Variants in ZDHHC12 observed in about 807,000 individuals in gnomAD.
ZDHHC12 encodes zDHHC palmitoyltransferase 12, also known as palmitoyltransferase ZDHHC12.
In ZDHHC12, 26 loss-of-function variants were observed where a neutral mutation model predicts 33.2. That is an observed-to-expected ratio of 0.78 (90% confidence interval 0.57 to 1.09). The LOEUF (loss-of-function observed/expected upper bound fraction) is 1.09. Among genes scored for constraint, ZDHHC12 ranks in the 50% least tolerant of loss-of-function variants. The pLI, the probability that ZDHHC12 is intolerant of heterozygous loss-of-function variation, is 0.00. For missense variants in ZDHHC12, 350 were observed against 353.0 expected (o/e 0.99, Z 0.07); for synonymous variants, 154 against 152.1 (o/e 1.01, Z -0.09).
In ZDHHC12 at chr9:128,722,840, A is replaced by C; in HGVS notation, c.101-266T>G. The stretch of plus-strand genomic sequence containing the variant: ...ATCAGGGGAAGCCTGGGGGCAGAGA[A>C]TCTGGCCAGGAGGAAGAAGAGAGTC... On this transcript the variant is annotated intron_variant, in intron 1 of 4. Transcript: ENST00000372663. The surrounding 1 kb of genome is among the most constrained non-coding windows in gnomAD (Gnocchi z 4.2). The C allele has an allele frequency of 3.5e-6, 4 of 1,149,862 alleles. No individual in the cohort carries two copies. The highest frequency in any genetic ancestry group is 4.6e-6 in the Non-Finnish European group (4 of 871,294). 71.2% of individuals were successfully genotyped at this position (1,149,862 alleles called of 1,614,324 possible).
rs1289230765 is a variant in ZDHHC12 at position 128,721,832 on chromosome 9, G to A, written c.316-15C>T. 6.2e-7 allele frequency: 1 copy of A among 1,611,034 alleles called. No individual in the cohort carries two copies. Among genetic ancestry groups the A allele is most frequent in the South Asian group, 1.1e-5 (1 of 90,848 alleles). ...CTCAGGGGCTGCTGTGGGCATGGAG[G>A]AGAGTGGAGGCTCAGTGCCAGCCCT... On this transcript the variant is annotated splice_polypyrimidine_tract_variant and intron_variant, in intron 3 of 4. Coordinates refer to ENST00000372663, the MANE Select transcript of ZDHHC12 (RefSeq NM_032799.5). The surrounding 1 kb of genome is among the most constrained non-coding windows in gnomAD (Gnocchi z 6.9).
In ZDHHC12 at chr9:128,721,329, C is replaced by A; in HGVS notation, c.656G>T (p.Arg219Leu). The A allele has an allele frequency of 3.1e-6, 5 of 1,592,302 alleles. No individual in the cohort carries two copies. Among genetic ancestry groups the A allele is most frequent in the South Asian group, 2.3e-5 (2 of 87,794 alleles). ...TTTWEFISSH[R>L]IAYLRQRPSN... is the part of the protein sequence containing the mutation. ...GGGGCGCTGGCGGAGATAGGCGATG[C>A]GGTGTGAGGAGATGAATTCCCAGGT... Residue 219 changes from arginine to leucine, a missense_variant, in exon 5 of 5, where the codon CGC (arginine) becomes CTC (leucine). By Grantham distance (102) the Arg-to-Leu change is moderately radical. Coordinates refer to ENST00000372663, the MANE Select transcript of ZDHHC12 (RefSeq NM_032799.5). The surrounding 1 kb of genome is among the most constrained non-coding windows in gnomAD (Gnocchi z 6.9).
At position 128,721,914 on chromosome 9, in the gene ZDHHC12, G is replaced by A; in HGVS notation, c.315+95C>T. On this transcript the variant is annotated intron_variant, in intron 3 of 4. Transcript: ENST00000372663. The surrounding 1 kb of genome is among the most constrained non-coding windows in gnomAD (Gnocchi z 6.9). ...GGGCCTGATTCTGGAAGGCCTTCTT[G>A]GAGGAGGGGCGAGGCCCAGGCAGTG... 13 of 1,603,910 alleles carry A rather than the reference G, an allele frequency of 8.1e-6. No homozygotes were observed. In the South Asian group the frequency reaches 1.2e-4, roughly 15 times the overall value.
chr9:128,723,751 T>G lies in ZDHHC12; in HGVS notation c.100+243A>C. On this transcript the variant is annotated intron_variant, in intron 1 of 4. Transcript: ENST00000372663. This position sits in a 1 kb window ranked among gnomAD's most constrained non-coding sequence, Gnocchi z 4.4. ...GATCTGGTGGGCACCGGCTGGGTCCTGGGATGGACAGGGCATTTGGCAATG... is the reference window on the plus strand; with the variant it reads ...GATCTGGTGGGCACCGGCTGGGTCCGGGGATGGACAGGGCATTTGGCAATG... 3.3e-6 allele frequency: 2 copies of G among 611,716 alleles called. No individual in the cohort carries two copies. The highest frequency in any genetic ancestry group is 2.4e-5 in the South Asian group (1 of 40,976). 37.9% of individuals were successfully genotyped at this position (611,716 alleles called of 1,614,324 possible).
chr9:128,722,562 C>A lies in ZDHHC12; in HGVS notation c.113G>T (p.Trp38Leu), dbSNP rs1229823868. The part of the protein sequence containing the change: ...LFLHDTELRQ[W>L]EEQGELLLPL... The stretch of plus-strand genomic sequence containing the variant: ...CAGGAGCAGCTCCCCCTGCTCCTCC[C>A]ATTGCCGCAGCTCTGGAGAGGCCGG... The change falls in exon 2 of 5, where the codon TGG becomes TTG. Residue 38 changes from tryptophan (W) to leucine (L), a missense_variant. Transcript: ENST00000372663. The surrounding 1 kb of genome is among the most constrained non-coding windows in gnomAD (Gnocchi z 4.2). 6.3e-7 allele frequency: 1 copy of A among 1,593,138 alleles called. No homozygotes were observed. The highest frequency in any genetic ancestry group is 8.5e-7 in the Non-Finnish European group (1 of 1,169,924).
In ZDHHC12 at chr9:128,722,554, G is replaced by A. The variant is rs1175770918; in HGVS notation, c.121C>T (p.Gln41Ter). ...HDTELRQWEE[Q>*]GELLLPLTFL... is the part of the protein sequence containing the mutation. ...GTGAGGGGCAGGAGCAGCTCCCCCTGCTCCTCCCATTGCCGCAGCTCTGGA... is the reference window on the plus strand; with the variant it reads ...GTGAGGGGCAGGAGCAGCTCCCCCTACTCCTCCCATTGCCGCAGCTCTGGA... Residue 41 changes from glutamine to a stop codon, truncating the protein, a stop_gained, in exon 2 of 5, where the codon CAG (glutamine) becomes TAG (stop). Transcript: ENST00000372663. LOFTEE classifies it high-confidence loss of function. This position sits in a 1 kb window ranked among gnomAD's most constrained non-coding sequence, Gnocchi z 4.2. The A allele has an allele frequency of 5.0e-6, 8 of 1,592,944 alleles. No homozygotes were observed. The highest frequency in any genetic ancestry group is 6.8e-6 in the Non-Finnish European group (8 of 1,169,890).
Position 128,723,834 on chromosome 9 carries a change from G to A in ZDHHC12, c.100+160C>T. ...ACGGGGTATCAGACAGAGAGCAGGTGGCTCTTGGAATGATAGATGGGGAGA... is the reference window on the plus strand; with the variant it reads ...ACGGGGTATCAGACAGAGAGCAGGTAGCTCTTGGAATGATAGATGGGGAGA... On this transcript the variant is annotated intron_variant, in intron 1 of 4. Coordinates refer to ENST00000372663, the MANE Select transcript of ZDHHC12 (RefSeq NM_032799.5). The surrounding 1 kb of genome is among the most constrained non-coding windows in gnomAD (Gnocchi z 4.4). 3 of 1,051,130 alleles carry A rather than the reference G, an allele frequency of 2.9e-6. No individual in the cohort carries two copies. The highest frequency in any genetic ancestry group is 4.1e-6 in the Non-Finnish European group (3 of 731,988). The allele number at this position is 1,051,130 out of a possible 1,614,324, so 65.1% of individuals were successfully genotyped here.
At position 128,722,868 on chromosome 9, in the gene ZDHHC12, T is replaced by A; in HGVS notation, c.101-294A>T. 1 of 833,514 alleles carries A rather than the reference T, an allele frequency of 1.2e-6. No homozygotes were observed. The highest frequency in any genetic ancestry group is 1.8e-5 in the African/African-American group (1 of 55,628). The allele number at this position is 833,514 out of a possible 1,614,324, so 51.6% of individuals were successfully genotyped here. ...TGGCCAGGAGGAAGAAGAGAGTCGC[T>A]ACAAAGGCCTGGCAGGAAGTGAGGG... On this transcript the variant is annotated intron_variant, in intron 1 of 4. Transcript: ENST00000372663. This position sits in a 1 kb window ranked among gnomAD's most constrained non-coding sequence, Gnocchi z 4.2.
At position 128,721,462 on chromosome 9, in the gene ZDHHC12, G is replaced by C; in HGVS notation, c.523C>G (p.Arg175Gly). Residue 175 changes from arginine (R) to glycine (G), a missense_variant, in exon 5 of 5, where the codon CGG (arginine) becomes GGG (glycine). By Grantham distance (125) the Arg-to-Gly change is moderately radical. Coordinates refer to ENST00000372663, the MANE Select transcript of ZDHHC12 (RefSeq NM_032799.5). The surrounding 1 kb of genome is among the most constrained non-coding windows in gnomAD (Gnocchi z 6.9). ...RFFQPWGQWL[R>G]SSGLLFATFL... ...GTGGCGAACAGGAGCCCGCTGGACC[G>C]CAACCACTGACCCCAGGGCTGGAAG... 6.3e-7 allele frequency: 1 copy of C among 1,591,262 alleles called. No individual in the cohort carries two copies. Among genetic ancestry groups the C allele is most frequent in the Non-Finnish European group, 8.6e-7 (1 of 1,169,528 alleles).
At position 128,722,487 on chromosome 9, in the gene ZDHHC12, G is replaced by A. The variant is rs765827539; in HGVS notation, c.188C>T (p.Ala63Val). The change falls in exon 2 of 5, where the codon GCT (alanine) becomes GTT (valine). Residue 63 changes from alanine to valine, a missense_variant. Ala to Val is a moderately conservative substitution (Grantham distance 64). Transcript: ENST00000372663. This position sits in a 1 kb window ranked among gnomAD's most constrained non-coding sequence, Gnocchi z 4.2. ...GTAGCCAGGGTCCATGAGTGACACAGCGAGGTAGAGCAGCAGGGAGCCCAG... is the reference window on the plus strand; with the variant it reads ...GTAGCCAGGGTCCATGAGTGACACAACGAGGTAGAGCAGCAGGGAGCCCAG... Reference protein sequence around the residue: ...LVLGSLLLYLAVSLMDPGYVN... With the variant: ...LVLGSLLLYLVVSLMDPGYVN... 6.4e-6 allele frequency: 10 copies of A among 1,567,978 alleles called. No homozygotes were observed. The highest frequency in any genetic ancestry group is 8.7e-6 in the Non-Finnish European group (10 of 1,156,038).
chr9:128,723,822 C>G lies in ZDHHC12; in HGVS notation c.100+172G>C. On this transcript the variant is annotated intron_variant, in intron 1 of 4. Transcript: ENST00000372663. The surrounding 1 kb of genome is among the most constrained non-coding windows in gnomAD (Gnocchi z 4.4). ...AATTAGGGATCAACGGGGTATCAGA[C>G]AGAGAGCAGGTGGCTCTTGGAATGA... is the stretch of plus-strand genomic sequence containing the variant. The G allele has an allele frequency of 1.0e-6, 1 of 959,358 alleles. No homozygotes were observed. Among genetic ancestry groups the G allele is most frequent in the African/African-American group, 1.7e-5 (1 of 60,308 alleles). The allele number at this position is 959,358 out of a possible 1,614,324, so 59.4% of individuals were successfully genotyped here.
At position 128,722,488 on chromosome 9, in the gene ZDHHC12, C is replaced by T. The variant is rs373582038; in HGVS notation, c.187G>A (p.Ala63Thr). The T allele has an allele frequency of 7.6e-5, 119 of 1,567,580 alleles. No homozygotes were observed. Among genetic ancestry groups the T allele is most frequent in the African/African-American group, 5.7e-4 (42 of 73,784 alleles). The stretch of plus-strand genomic sequence containing the variant: ...TAGCCAGGGTCCATGAGTGACACAG[C>T]GAGGTAGAGCAGCAGGGAGCCCAGC... ...LVLGSLLLYLAVSLMDPGYVN... is the reference protein window; with the variant it reads ...LVLGSLLLYLTVSLMDPGYVN... The change falls in exon 2 of 5, where the codon GCT (alanine) becomes ACT (threonine). Residue 63 changes from alanine to threonine, a missense_variant. Physicochemically the swap from Ala to Thr is moderately conservative, Grantham distance 58. Transcript: ENST00000372663. This position sits in a 1 kb window ranked among gnomAD's most constrained non-coding sequence, Gnocchi z 4.2.
chr9:128,722,165 G>T lies in ZDHHC12; in HGVS notation c.238-79C>A. The T allele has an allele frequency of 6.5e-7, 1 of 1,548,328 alleles. No individual in the cohort carries two copies. The highest frequency in any genetic ancestry group is 8.9e-7 in the Non-Finnish European group (1 of 1,124,676). ...TGGCGGGCAGCTCCCCTAGGGGCCGGCTTAGCTCTGGGTATGGAGTTTGGG... is the reference window on the plus strand; with the variant it reads ...TGGCGGGCAGCTCCCCTAGGGGCCGTCTTAGCTCTGGGTATGGAGTTTGGG... On this transcript the variant is annotated intron_variant, in intron 2 of 4. Coordinates refer to ENST00000372663, the MANE Select transcript of ZDHHC12 (RefSeq NM_032799.5). This position sits in a 1 kb window ranked among gnomAD's most constrained non-coding sequence, Gnocchi z 4.2.
In ZDHHC12 at chr9:128,723,010, C is replaced by G. The variant is rs1021530182; in HGVS notation, c.101-436G>C. ...TGCAATGGTGAGAGACTGGTTAGGT[C>G]TGAAATGCCTGAGAGAGATACAGTG... is the stretch of plus-strand genomic sequence containing the variant. On this transcript the variant is annotated intron_variant, in intron 1 of 4. Coordinates refer to ENST00000372663, the MANE Select transcript of ZDHHC12 (RefSeq NM_032799.5). This position sits in a 1 kb window ranked among gnomAD's most constrained non-coding sequence, Gnocchi z 4.4. 4 of 198,738 alleles carry G rather than the reference C, an allele frequency of 2.0e-5. No individual in the cohort carries two copies. The highest frequency in any genetic ancestry group is 7.1e-5 in the African/African-American group (3 of 42,034). 12.3% of individuals were successfully genotyped at this position (198,738 alleles called of 1,614,324 possible). A position where few individuals can be genotyped will look rare whatever the true frequency, so the allele number is the denominator to read the frequency against.
chr9:128,723,982 G>A lies in ZDHHC12; in HGVS notation c.100+12C>T. On this transcript the variant is annotated intron_variant, in intron 1 of 4. Coordinates refer to ENST00000372663, the MANE Select transcript of ZDHHC12 (RefSeq NM_032799.5). This position sits in a 1 kb window ranked among gnomAD's most constrained non-coding sequence, Gnocchi z 4.4. The stretch of plus-strand genomic sequence containing the variant: ...ATCGGGTGGGTCCGGGGTCGCTCGG[G>A]GTCCGGCTCACCGGTATCGTGCAGG... The A allele has an allele frequency of 6.2e-7, 1 of 1,609,788 alleles. No homozygotes were observed. Among genetic ancestry groups the A allele is most frequent in the East Asian group, 2.2e-5 (1 of 44,582 alleles).
Position 128,722,513 on chromosome 9 carries a change from C to T in ZDHHC12, c.162G>A (p.Val54=). The T allele has an allele frequency of 1.9e-6, 3 of 1,585,090 alleles. No individual in the cohort carries two copies. Among genetic ancestry groups the T allele is most frequent in the Non-Finnish European group, 1.7e-6 (2 of 1,165,278 alleles). The change falls in exon 2 of 5, where the codon GTG becomes GTA. Residue 54 remains valine, a synonymous_variant. Coordinates refer to ENST00000372663, the MANE Select transcript of ZDHHC12 (RefSeq NM_032799.5). This position sits in a 1 kb window ranked among gnomAD's most constrained non-coding sequence, Gnocchi z 4.2. ...LLLPLTFLLL[V]LGSLLLYLAV... ...CGAGGTAGAGCAGCAGGGAGCCCAG[C>T]ACCAGGAGCAGGAAGGTGAGGGGCA...
Position 128,721,127 on chromosome 9 carries a change from G to T in ZDHHC12, c.*54C>A. 1.4e-6 allele frequency: 2 copies of T among 1,469,526 alleles called. No homozygotes were observed. Among genetic ancestry groups the T allele is most frequent in the South Asian group, 2.7e-5 (2 of 72,888 alleles). 91.0% of individuals were successfully genotyped at this position (1,469,526 alleles called of 1,614,324 possible). A position where few individuals can be genotyped will look rare whatever the true frequency, so the allele number is the denominator to read the frequency against. ...GCCCTCTGAGCGCTCACCCCAGCTG[G>T]GGACAGGCCCCGTGGTTTTCAGGCA... On this transcript the variant is annotated 3_prime_UTR_variant, in exon 5 of 5. Coordinates refer to ENST00000372663, the MANE Select transcript of ZDHHC12 (RefSeq NM_032799.5). The surrounding 1 kb of genome is among the most constrained non-coding windows in gnomAD (Gnocchi z 6.9).
At position 128,721,391 on chromosome 9, in the gene ZDHHC12, G is replaced by C; in HGVS notation, c.594C>G (p.Leu198=). The part of the protein sequence containing the change: ...SLFSLVASLL[L]VSHLYLVASN... Reference sequence around the variant, plus strand: ...TGGCCACCAGGTAGAGGTGCGAGACGAGGAGCAGGCTGGCCACCAACGAGA... The same window carrying C: ...TGGCCACCAGGTAGAGGTGCGAGACCAGGAGCAGGCTGGCCACCAACGAGA... Residue 198 remains leucine, a synonymous_variant, in exon 5 of 5, where the codon CTC becomes CTG. Transcript: ENST00000372663. The surrounding 1 kb of genome is among the most constrained non-coding windows in gnomAD (Gnocchi z 6.9). The C allele has an allele frequency of 6.3e-7, 1 of 1,581,908 alleles. No individual in the cohort carries two copies. The highest frequency in any genetic ancestry group is 8.6e-7 in the Non-Finnish European group (1 of 1,164,158).
At position 128,723,841 on chromosome 9, in the gene ZDHHC12, G is replaced by T; in HGVS notation, c.100+153C>A. The T allele has an allele frequency of 2.5e-6, 3 of 1,196,064 alleles. No individual in the cohort carries two copies. Among genetic ancestry groups the T allele is most frequent in the Non-Finnish European group, 3.5e-6 (3 of 859,520 alleles). The allele number at this position is 1,196,064 out of a possible 1,614,324, so 74.1% of individuals were successfully genotyped here. A position where few individuals can be genotyped will look rare whatever the true frequency, so the allele number is the denominator to read the frequency against. On this transcript the variant is annotated intron_variant, in intron 1 of 4. Transcript: ENST00000372663. The surrounding 1 kb of genome is among the most constrained non-coding windows in gnomAD (Gnocchi z 4.4). ...ATCAGACAGAGAGCAGGTGGCTCTT[G>T]GAATGATAGATGGGGAGAGGGCTTC... is the stretch of plus-strand genomic sequence containing the variant.
Sources: gnomAD v4.1 joint callset for allele counts on GRCh38, gnomAD v4.1.1 for gene constraint, Gnocchi (gnomAD v3.1) non-coding constraint, MANE v1.5 for transcripts, NCBI Gene and HGNC (gene_info 2026-07-23, HGNC 2026-07-21) for gene names.